SLX4IP: variants seen among roughly 807,000 people sequenced by gnomAD.
The protein encoded by SLX4IP is SLX4 interacting protein, also known as protein SLX4IP.
A neutral mutation model predicts 32.9 loss-of-function variants in SLX4IP; 34 were observed. The observed-to-expected ratio is 1.03, with a 90% CI of 0.79 to 1.38. The LOEUF (loss-of-function observed/expected upper bound fraction) is 1.38. Among genes scored for constraint, SLX4IP ranks in the 40% most tolerant of loss-of-function variants. The probability of loss-of-function intolerance (pLI) is 0.00; values close to 1 mark genes in which losing one functional copy is unlikely to be tolerated. For synonymous variants in SLX4IP, 172 were observed against 171.7 expected (o/e 1.00, Z -0.01); for missense variants, 444 against 479.0 (o/e 0.93, Z 0.68).
rs1330498147 is a variant in SLX4IP at position 10,457,490 on chromosome 20, A to G, written c.-29-686A>G. Reference sequence around the variant, plus strand: ...TTATGTGCATTTTTTCTGTTATTCTATTAATAGAGTGTATTATATTGATTA... The same window carrying G: ...TTATGTGCATTTTTTCTGTTATTCTGTTAATAGAGTGTATTATATTGATTA... On this transcript the variant is annotated intron_variant, in intron 1 of 7. Transcript: ENST00000334534. Among the ~76,000 whole-genome samples the G allele has an allele frequency of 2.2e-5, 3 of 133,538 alleles. No homozygotes were observed. In the East Asian group the frequency reaches 6.2e-4, roughly 27 times the overall value. The allele number at this position is 133,538 out of a possible 152,430, so 87.6% of individuals were successfully genotyped here. A position where few individuals can be genotyped will look rare whatever the true frequency, so the allele number is the denominator to read the frequency against.
chr20:10,495,917 T>C (rs2065663707), intron 2 of SLX4IP, among the ~76,000 whole-genome samples: 1 of 152,130 alleles, frequency 6.6e-6, no homozygotes, highest in African/African-American at 2.4e-5. Context: ...TTGGTTGATT[T>C]TTAATTTTGT....
At chr20:10,533,617 C>CTT (rs35385148) in intron 2 of SLX4IP, among the ~76,000 whole-genome samples, 157 of 95,586 alleles carry the variant, frequency 1.6e-3, no homozygotes, top group African/African-American at 6.6e-3. Flanking sequence ...CATTCTTGGC[C>CTT]TTTTTTTTTT....
chr20:10,519,012 T>C (rs1476082469), intron 2 of SLX4IP, among the ~76,000 whole-genome samples: 1 of 152,240 alleles, frequency 6.6e-6, no homozygotes, highest in African/African-American at 2.4e-5. Flanking sequence ...TGTAAAATTA[T>C]TGCATTGGAG....
chr20:10,442,379 C>G (rs537105165), intron 1 of SLX4IP, among the ~76,000 whole-genome samples: 1 of 152,186 alleles, frequency 6.6e-6, no homozygotes, highest in East Asian at 1.9e-4. Context: ...GGATCTTTCT[C>G]ACTCCACTAA....
chr20:10,615,702 A>G (rs907949838), intron 6 of SLX4IP, among the ~76,000 whole-genome samples: 14 of 152,180 alleles, frequency 9.2e-5, no homozygotes, highest in African/African-American at 3.4e-4. Flanking sequence ...ACTTATAAAG[A>G]ACAGAAATTT....
intron 2 of SLX4IP, among the ~76,000 whole-genome samples, chr20:10,467,365 A>G (rs1439576558): frequency 6.6e-6 from 1 of 152,212 alleles, no homozygotes; most frequent in Non-Finnish European, 1.5e-5. Context: ...TTAAATGGTT[A>G]TATTCCTTAC....
At chr20:10,615,296 A>G (rs547285377) in intron 6 of SLX4IP, among the ~76,000 whole-genome samples, 2 of 152,018 alleles carry the variant, frequency 1.3e-5, no homozygotes, top group Non-Finnish European at 2.9e-5. Flanking sequence ...TTCACTCATA[A>G]CCAGTCAGCA....
At chr20:10,508,164 G>T (rs1247863373) in intron 2 of SLX4IP, among the ~76,000 whole-genome samples, 1 of 152,220 alleles carries the variant, frequency 6.6e-6, no homozygotes, top group Non-Finnish European at 1.5e-5. Context: ...TTGTGGCCCA[G>T]TGCTCACCTG....
intron 2 of SLX4IP, among the ~76,000 whole-genome samples, chr20:10,549,581 C>T (rs2066198528): frequency 6.6e-6 from 1 of 152,190 alleles, no homozygotes; most frequent in African/African-American, 2.4e-5. Flanking sequence ...CCACATGAGG[C>T]TGGAAGTGTG....
chr20:10,572,902 G>A (rs1045609619), intron 4 of SLX4IP, among the ~76,000 whole-genome samples: 3 of 152,176 alleles, frequency 2.0e-5, no homozygotes, highest in Non-Finnish European at 4.4e-5. Context: ...AGCGTTCTGT[G>A]GTGGGGCACA....
chr20:10,491,317 C>T (rs1018260724), intron 2 of SLX4IP, among the ~76,000 whole-genome samples: 16 of 152,132 alleles, frequency 1.1e-4, no homozygotes, highest in African/African-American at 3.9e-4. Flanking sequence ...TCCTATTTCT[C>T]CCTCAACTCC....
chr20:10,561,537 T>C (rs1282291497), intron 4 of SLX4IP, among the ~76,000 whole-genome samples: 1 of 145,886 alleles, frequency 6.9e-6, no homozygotes, highest in African/African-American at 2.7e-5. Flanking sequence ...TATCTATTTT[T>C]CTTTTTTCTT....
At chr20:10,503,474 C>T (rs1367251734) in intron 2 of SLX4IP, among the ~76,000 whole-genome samples, 3 of 152,196 alleles carry the variant, frequency 2.0e-5, no homozygotes, top group Admixed American at 6.5e-5. Context: ...CCTGCTGCCA[C>T]CTTGCCATGG....
intron 1 of SLX4IP, among the ~76,000 whole-genome samples, chr20:10,438,370 G>C (rs899379836): frequency 2.6e-5 from 4 of 151,210 alleles, no homozygotes; most frequent in African/African-American, 9.7e-5. Flanking sequence ...ACCCCTAAAA[G>C]TTTCCTCTTG....
At chr20:10,533,358 A>G (rs1046044038) in intron 2 of SLX4IP, among the ~76,000 whole-genome samples, 4 of 152,290 alleles carry the variant, frequency 2.6e-5, no homozygotes, top group Admixed American at 2.6e-4. Context: ...GCTGCAGTGC[A>G]GTGGCATGAT....
chr20:10,477,898 CTT>C (rs35993699), intron 2 of SLX4IP, among the ~76,000 whole-genome samples: 71,805 of 129,298 alleles, frequency 0.56, 18,670 homozygotes, highest in South Asian at 0.68. Context: ...TACAATCTCC[CTT>C]TTTTTTTTTT....
intron 2 of SLX4IP, among the ~76,000 whole-genome samples, chr20:10,476,967 A>G (rs918401955): frequency 1.3e-5 from 2 of 152,200 alleles, no homozygotes; most frequent in East Asian, 1.9e-4. Flanking sequence ...AGATTTTCCA[A>G]ATTTCAGCAA....
intron 1 of SLX4IP, among the ~76,000 whole-genome samples, chr20:10,454,176 T>A (rs2065266203): frequency 6.6e-6 from 1 of 152,222 alleles, no homozygotes; most frequent in Non-Finnish European, 1.5e-5. Flanking sequence ...TCCTGCTTGT[T>A]TACTTGTATT....
chr20:10,583,622 C>A (rs1348334918), intron 4 of SLX4IP, among the ~76,000 whole-genome samples: 1 of 152,130 alleles, frequency 6.6e-6, no homozygotes, highest in Admixed American at 6.6e-5. Flanking sequence ...CCTGATGAGG[C>A]TGGGGTCCCT....
Sources: allele counts gnomAD v4.1 joint callset (sites outside exome capture counted in the v4.1 genomes callset), GRCh38; gene constraint gnomAD v4.1.1; transcripts MANE v1.5; gene names NCBI Gene and HGNC (gene_info 2026-07-23, HGNC 2026-07-21).